Variants in RAB6B observed in about 807,000 individuals in gnomAD.
The protein encoded by RAB6B is ras-related protein Rab-6B.
Under a neutral mutation model 31.2 loss-of-function variants are expected in RAB6B, and 7 were observed. The ratio of observed to expected loss-of-function variants is 0.22; its 90% confidence interval spans 0.13 to 0.42. RAB6B has a LOEUF of 0.42. Ranked by LOEUF, RAB6B falls within the 10% of genes least tolerant of loss-of-function variation. RAB6B has a pLI of 1.00. For missense variants in RAB6B, 149 were observed against 280.6 expected (o/e 0.53, Z 3.35); for synonymous variants, 105 against 104.9 (o/e 1.00, Z -0.01).
intron 7 of RAB6B, among the ~76,000 whole-genome samples, chr3:133,833,138 T>G (rs1309964141): frequency 6.6e-6 from 1 of 152,198 alleles, no homozygotes; most frequent in African/African-American, 2.4e-5. Context: ...GCTCCTATGT[T>G]TGCCCTTCAG....
chr3:133,841,473 G>C, intron 3 of RAB6B, 83 bp from the exon 4 acceptor site: 1 of 1,551,184 alleles, frequency 6.4e-7, no homozygotes, highest in Admixed American at 1.7e-5. Flanking sequence ...GGGAGAGCCG[G>C]GCTCTGCAAT....
At chr3:133,846,050 C>T (rs1935904496) in intron 2 of RAB6B, among the ~76,000 whole-genome samples, 1 of 152,024 alleles carries the variant, frequency 6.6e-6, no homozygotes, top group South Asian at 2.1e-4. Flanking sequence ...TGAAGACAGG[C>T]CAAAATAAAT....
chr3:133,892,443 CA>C (rs909131934), intron 1 of RAB6B, among the ~76,000 whole-genome samples: 80 of 152,162 alleles, frequency 5.3e-4, no homozygotes, highest in African/African-American at 1.9e-3. Context: ...GCCTCCCATT[CA>C]AACCAGTTCC....
At chr3:133,873,754 T>C (rs573612180) in intron 1 of RAB6B, among the ~76,000 whole-genome samples, 1 of 152,346 alleles carries the variant, frequency 6.6e-6, no homozygotes, top group African/African-American at 2.4e-5. Context: ...ACTGATACCC[T>C]GCATAGTCAA....
intron 2 of RAB6B, among the ~76,000 whole-genome samples, chr3:133,856,774 C>T (rs567222443): frequency 1.5e-4 from 23 of 152,144 alleles, no homozygotes; most frequent in African/African-American, 5.3e-4. Context: ...TATCTTCTGC[C>T]GGGTCAATGT....
intron 1 of RAB6B, among the ~76,000 whole-genome samples, chr3:133,873,295 C>A (rs1936350897): frequency 6.6e-6 from 1 of 152,236 alleles, no homozygotes; most frequent in Admixed American, 6.5e-5. Flanking sequence ...TTCAGCAGCT[C>A]TGTGGTTGCT....
At chr3:133,864,481 C>T in intron 2 of RAB6B, 103 bp downstream of exon 2, 3 of 1,188,896 alleles carry the variant, frequency 2.5e-6, no homozygotes, top group Non-Finnish European at 3.8e-6. Context: ...AAAATGACAG[C>T]CTGGGAACCC....
intron 2 of RAB6B, among the ~76,000 whole-genome samples, chr3:133,851,664 T>A (rs72976365): frequency 0.032 from 4,880 of 152,144 alleles, 171 homozygotes; most frequent in African/African-American, 0.09. Flanking sequence ...TAAGGTACTG[T>A]TAACAAGAAA....
chr3:133,839,789 G>A (rs1241311947), intron 4 of RAB6B, among the ~76,000 whole-genome samples, 172 bp from the exon 5 acceptor site: 1 of 152,190 alleles, frequency 6.6e-6, no homozygotes, highest in East Asian at 1.9e-4. Context: ...CTTTCAGAGG[G>A]AACCGGGCCC....
In RAB6B at chr3:133,895,532, A is replaced by C; in HGVS notation, c.-66T>G. The stretch of plus-strand genomic sequence containing the variant: ...AGCGAAGGAGCAGGGAGGGGAGAGT[A>C]GGAGGGCGAGGGGAGGCGGCCGGCG... On this transcript the variant is annotated 5_prime_UTR_variant, in exon 1 of 8. Coordinates refer to ENST00000285208, the MANE Select transcript of RAB6B (RefSeq NM_016577.4). 1.9e-6 allele frequency: 3 copies of C among 1,539,388 alleles called. No homozygotes were observed. Among genetic ancestry groups the C allele is most frequent in the Non-Finnish European group, 2.7e-6 (3 of 1,120,146 alleles).
At chr3:133,865,368 T>C (rs1936223025) in intron 1 of RAB6B, among the ~76,000 whole-genome samples, 1 of 152,230 alleles carries the variant, frequency 6.6e-6, no homozygotes, top group Non-Finnish European at 1.5e-5. Flanking sequence ...GGACGTCTCT[T>C]GGGAATCCTA....
chr3:133,884,144 C>G (rs576762478), intron 1 of RAB6B, among the ~76,000 whole-genome samples: 17 of 152,386 alleles, frequency 1.1e-4, no homozygotes, highest in East Asian at 5.8e-4. Flanking sequence ...ATTAGGATTA[C>G]TCCATGCACC....
intron 6 of RAB6B, among the ~76,000 whole-genome samples, 168 bp from the exon 7 acceptor site, chr3:133,834,809 C>A (rs1935709846): frequency 6.6e-6 from 1 of 152,160 alleles, no homozygotes; most frequent in South Asian, 2.1e-4. Flanking sequence ...TGTTCTCTCT[C>A]CCCCACCTCT....
chr3:133,837,938 G>C (rs1935765374), intron 6 of RAB6B, among the ~76,000 whole-genome samples: 1 of 152,240 alleles, frequency 6.6e-6, no homozygotes, highest in South Asian at 2.1e-4. Flanking sequence ...GGTGGCTGGT[G>C]ACTTATGTTC....
At chr3:133,847,660 T>C (rs1290796302) in intron 2 of RAB6B, among the ~76,000 whole-genome samples, 3 of 152,242 alleles carry the variant, frequency 2.0e-5, no homozygotes, top group African/African-American at 7.2e-5. Context: ...ATTTCCTCTA[T>C]GCCCACCCAT....
Position 133,895,616 on chromosome 3 carries a change from C to T in RAB6B, c.-150G>A. The T allele has an allele frequency of 1.4e-6, 1 of 712,020 alleles. No individual in the cohort carries two copies. The highest frequency in any genetic ancestry group is 2.3e-6 in the Non-Finnish European group (1 of 426,528). 44.1% of individuals were successfully genotyped at this position (712,020 alleles called of 1,614,324 possible). A position where few individuals can be genotyped will look rare whatever the true frequency, so the allele number is the denominator to read the frequency against. ...CGCGTCCCTGACTCCCCAGCTGCGT[C>T]CCGGTCCCGGCCTGCGGCTGCGTGT... On this transcript the variant is annotated 5_prime_UTR_variant, in exon 1 of 8. Coordinates refer to ENST00000285208, the MANE Select transcript of RAB6B (RefSeq NM_016577.4).
intron 1 of RAB6B, among the ~76,000 whole-genome samples, chr3:133,894,938 G>A (rs1006484546): frequency 6.6e-6 from 1 of 152,226 alleles, no homozygotes; most frequent in Non-Finnish European, 1.5e-5. Context: ...CCAGTGCAGC[G>A]GAGTGAGGCC....
rs1018984839 is a variant in RAB6B at position 133,826,798 on chromosome 3, T to A, written c.*1990A>T. On this transcript the variant is annotated 3_prime_UTR_variant, in exon 8 of 8. Transcript: ENST00000285208. ...ATTAAGTATTTCTTATTTCAACACG[T>A]TGCAGTACTTTTGAATTTCCAAAAC... 6.5e-6 allele frequency: 1 copy of A among 152,704 alleles called. No homozygotes were observed. Among genetic ancestry groups the A allele is most frequent in the Non-Finnish European group, 1.5e-5 (1 of 68,048 alleles). 9.5% of individuals were successfully genotyped at this position (152,704 alleles called of 1,614,324 possible).
At chr3:133,852,708 G>A (rs571007770) in intron 2 of RAB6B, among the ~76,000 whole-genome samples, 1 of 152,200 alleles carries the variant, frequency 6.6e-6, no homozygotes, top group East Asian at 1.9e-4. Flanking sequence ...CGAACTCCAG[G>A]GCACAAGTGA....
Sources: gnomAD v4.1 joint callset for allele counts (sites outside exome capture counted in the v4.1 genomes callset) on GRCh38, gnomAD v4.1.1 for gene constraint, MANE v1.5 for transcripts, NCBI Gene and HGNC (gene_info 2026-07-23, HGNC 2026-07-21) for gene names.